TUBGCP4: variants seen among roughly 807,000 people sequenced by gnomAD.
TUBGCP4 encodes gamma-tubulin complex component 4.
TUBGCP4 carries 54 observed loss-of-function variants against 91.6 expected under a neutral mutation model. The ratio of observed to expected loss-of-function variants is 0.59; its 90% CI spans 0.47 to 0.74. The LOEUF is 0.74. Ranked by LOEUF, TUBGCP4 falls within the 30% of genes least tolerant of loss-of-function variation. The pLI, the probability that TUBGCP4 is intolerant of heterozygous loss-of-function variation, is 0.00. For missense variants in TUBGCP4, 593 were observed against 800.9 expected, an observed-to-expected ratio of 0.74 and a Z score of 3.13; for synonymous variants, 297 against 302.8, an observed-to-expected ratio of 0.98 and a Z score of 0.20.
intron 6 of TUBGCP4, among the ~76,000 whole-genome samples, chr15:43,382,892 C>A (rs2044305173): frequency 6.6e-6 from 1 of 152,258 alleles, no homozygotes; most frequent in South Asian, 2.1e-4. Flanking sequence ...ATTGAATATT[C>A]TCTCCCTAAG....
Position 43,395,598 on chromosome 15 carries a change from T to G in TUBGCP4, c.1081T>G (p.Tyr361Asp). The change falls in exon 11 of 18, where the codon TAC becomes GAC. Residue 361 changes from tyrosine to aspartate, a missense_variant. Physicochemically the swap from Tyr to Asp is radical, Grantham distance 160 (BLOSUM62 -3). Coordinates refer to ENST00000564079, the MANE Select transcript of TUBGCP4 (RefSeq NM_014444.5). Reference sequence around the variant, plus strand: ...CTTTCCTCAGATCATTAAAGACTTTTACCTTCTGGGACGTGGAGAACTGTT... The same window carrying G: ...CTTTCCTCAGATCATTAAAGACTTTGACCTTCTGGGACGTGGAGAACTGTT... ...LGQLKIIKDF[Y>D]LLGRGELFQA... 6.2e-7 allele frequency: 1 copy of G among 1,614,016 alleles called. No individual in the cohort carries two copies. Among genetic ancestry groups the G allele is most frequent in the South Asian group, 1.1e-5 (1 of 91,084 alleles).
rs202078031 is a variant in TUBGCP4, at chr15:43,386,344, C to CGT, written c.1014+15_1014+16dup. 8.1e-6 allele frequency: 2 copies of CGT among 245,618 alleles called. No individual in the cohort carries two copies. Among genetic ancestry groups the CGT allele is most frequent in the Admixed American group, 6.0e-5 (1 of 16,676 alleles). The allele number at this position is 245,618 out of a possible 1,614,324, so 15.2% of individuals were successfully genotyped here. A position where few individuals can be genotyped will look rare whatever the true frequency, so the allele number is the denominator to read the frequency against. On this transcript the variant is annotated intron_variant, in intron 9 of 17. Transcript: ENST00000564079. ...ACTGTGGCTGAGGTTTGTGTTTCAT[C>CGT]GTATATATATATATATATATATATA... is the stretch of plus-strand genomic sequence containing the variant.
rs2044919522 is a variant in TUBGCP4, at chr15:43,407,033, G to A, written c.*1819G>A. The A allele has an allele frequency of 8.2e-6, 2 of 244,794 alleles. No homozygotes were observed. The highest frequency in any genetic ancestry group is 2.3e-5 in the African/African-American group (1 of 44,228). 15.2% of individuals were successfully genotyped at this position (244,794 alleles called of 1,614,324 possible). ...GAGTTTCTGCAAGCATAGCATTTTA[G>A]ACACCCTGGAATAACCTTTTGGGAA... is the stretch of plus-strand genomic sequence containing the variant. On this transcript the variant is annotated 3_prime_UTR_variant, in exon 18 of 18. Transcript: ENST00000564079.
At chr15:43,404,129 T>C (rs2044774980) in intron 16 of TUBGCP4, 2 of 517,624 alleles carry the variant, frequency 3.9e-6, no homozygotes, top group Non-Finnish European at 3.4e-6. Flanking sequence ...CTGCTTGTAA[T>C]CAAAACGGGT....
At chr15:43,386,663 T>A (rs545245039) in intron 9 of TUBGCP4, among the ~76,000 whole-genome samples, 260 of 135,522 alleles carry the variant, frequency 1.9e-3, no homozygotes, top group Non-Finnish European at 3.1e-3. Flanking sequence ...AGGCGGAGGT[T>A]GCAGTCAGCC....
rs770551526 is a variant in TUBGCP4, at chr15:43,377,049, C to T, written c.366C>T (p.Val122=). The T allele has an allele frequency of 6.2e-7, 1 of 1,613,880 alleles. No individual in the cohort carries two copies. Among genetic ancestry groups the T allele is most frequent in the Non-Finnish European group, 8.5e-7 (1 of 1,179,760 alleles). The change falls in exon 4 of 18, where the codon GTC becomes GTT. Residue 122 remains valine (V), a synonymous_variant. Transcript: ENST00000564079. ...LGDPHLSISH[V]NYFLDQFQLL... ...ATCCCCATCTCTCCATATCACATGT[C>T]AACTACTTCCTAGACCAGGTATGCT...
At position 43,408,227 on chromosome 15, in the gene TUBGCP4, C is replaced by A; in HGVS notation, c.*3013C>A. On this transcript the variant is annotated 3_prime_UTR_variant, in exon 18 of 18. Transcript: ENST00000564079. ...ACATAGTGTCTCAAGCCTGTAATCC[C>A]AGCACTTTGGGAGGCTGTCGTGGTT... The A allele has an allele frequency of 1.1e-6, 1 of 912,350 alleles. No individual in the cohort carries two copies. 56.5% of individuals were successfully genotyped at this position (912,350 alleles called of 1,614,324 possible).
rs1022523107 is a variant in TUBGCP4 at position 43,408,404 on chromosome 15, C to G, written c.*3190C>G. On this transcript the variant is annotated 3_prime_UTR_variant, in exon 18 of 18. Coordinates refer to ENST00000564079, the MANE Select transcript of TUBGCP4 (RefSeq NM_014444.5). The stretch of plus-strand genomic sequence containing the variant: ...GCTGAGGTAGGGGGATCACTTCAGC[C>G]TGGGAGGTTGAGGCTGCAGTAAGTC... 7.1e-5 allele frequency: 21 copies of G among 295,258 alleles called. No homozygotes were observed. Among genetic ancestry groups the G allele is most frequent in the Non-Finnish European group, 1.3e-5 (2 of 154,336 alleles). The allele number at this position is 295,258 out of a possible 1,614,324, so 18.3% of individuals were successfully genotyped here.
rs772397113 is a variant in TUBGCP4, at chr15:43,407,965, GTGC to G, written c.*2756_*2758del. On this transcript the variant is annotated 3_prime_UTR_variant, in exon 18 of 18. Transcript: ENST00000564079. ...TACCTTTGTTATGGGCACTTGAATG[GTGC>G]TGCTTCACAGAGGCTGCACCACCAG... The G allele has an allele frequency of 1.2e-6, 2 of 1,613,614 alleles. No homozygotes were observed. The highest frequency in any genetic ancestry group is 1.7e-6 in the Non-Finnish European group (2 of 1,179,992).
In TUBGCP4 at chr15:43,371,295, G is replaced by A; in HGVS notation, c.-60G>A. On this transcript the variant is annotated 5_prime_UTR_variant, in exon 1 of 18. Transcript: ENST00000564079. ...AAGGGGAAGCACTCCCCTCGTGGTCGCCTGGAGGTGCGCTGGAGGAGGGGG... is the reference window on the plus strand; with the variant it reads ...AAGGGGAAGCACTCCCCTCGTGGTCACCTGGAGGTGCGCTGGAGGAGGGGG... The A allele has an allele frequency of 1.9e-6, 3 of 1,550,608 alleles. No homozygotes were observed. The highest frequency in any genetic ancestry group is 1.8e-6 in the Non-Finnish European group (2 of 1,133,498).
chr15:43,379,640 C>CAAAA (rs1166566829), intron 5 of TUBGCP4, among the ~76,000 whole-genome samples: 1 of 62,322 alleles, frequency 1.6e-5, no homozygotes, highest in Non-Finnish European at 4.4e-5. Flanking sequence ...GACTCCGTCT[C>CAAAA]AAAAAAAAAA....
At chr15:43,381,406 T>G (rs1014890120) in intron 6 of TUBGCP4, among the ~76,000 whole-genome samples, 1 of 152,108 alleles carries the variant, frequency 6.6e-6, no homozygotes, top group Non-Finnish European at 1.5e-5. Flanking sequence ...TTTTGAAAAA[T>G]TTTAAACCTA....
At chr15:43,378,759 T>C (rs1419210450) in intron 5 of TUBGCP4, among the ~76,000 whole-genome samples, 1 of 152,244 alleles carries the variant, frequency 6.6e-6, no homozygotes, top group Non-Finnish European at 1.5e-5. Flanking sequence ...TGTCACTGGC[T>C]GTGTACTAGG....
intron 6 of TUBGCP4, among the ~76,000 whole-genome samples, chr15:43,381,498 A>G (rs2044284368): frequency 6.6e-6 from 1 of 152,156 alleles, no homozygotes; most frequent in Non-Finnish European, 1.5e-5. Flanking sequence ...GCACTTTGGA[A>G]GGCTGAGGCA....
At chr15:43,391,570 C>G (rs1363475879) in intron 9 of TUBGCP4, 1 of 152,178 alleles carries the variant, frequency 6.6e-6, no homozygotes, top group Non-Finnish European at 1.5e-5. Context: ...CTGGTGGTCC[C>G]CCACTCCCAG....
rs1478715330 is a variant in TUBGCP4, at chr15:43,408,851, G to C, written c.*3637G>C. ...CTAGATTCTCTTCCCTCCAAAGCTT[G>C]CTGTCCTCCTGCCTATACAATTCTG... On this transcript the variant is annotated 3_prime_UTR_variant, in exon 18 of 18. Coordinates refer to ENST00000564079, the MANE Select transcript of TUBGCP4 (RefSeq NM_014444.5). 1.3e-6 allele frequency: 2 copies of C among 1,577,844 alleles called. No individual in the cohort carries two copies. Among genetic ancestry groups the C allele is most frequent in the African/African-American group, 2.7e-5 (2 of 74,142 alleles).
Position 43,403,406 on chromosome 15 carries a change from C to T in TUBGCP4, c.1732-277C>T, listed in dbSNP as rs142075071. 1.0e-3 allele frequency: 284 copies of T among 271,636 alleles called. 1 individual carries two copies. The highest frequency in any genetic ancestry group is 5.7e-3 in the African/African-American group (258 of 45,200). 16.8% of individuals were successfully genotyped at this position (271,636 alleles called of 1,614,324 possible). A position where few individuals can be genotyped will look rare whatever the true frequency, so the allele number is the denominator to read the frequency against. ...AGCTCAGAGGCAGGAAGACACTCTG[C>T]GGGTCTAAGAAATGAAGAGTTAAAT... On this transcript the variant is annotated intron_variant, in intron 15 of 17. Transcript: ENST00000564079.
At chr15:43,401,662 T>C in intron 14 of TUBGCP4, 54 bp from the exon 15 acceptor site, 1 of 1,587,656 alleles carries the variant, frequency 6.3e-7, no homozygotes, top group Non-Finnish European at 8.6e-7. Flanking sequence ...CATCTTAATG[T>C]CTTCGAGTGC....
chr15:43,393,693 G>A lies in TUBGCP4; in HGVS notation c.1015-1414G>A, dbSNP rs112533491. On this transcript the variant is annotated intron_variant, in intron 9 of 17. Transcript: ENST00000564079. ...TTCCCACCTATGAGTGAGAACATGC[G>A]GTGTTTGGTTTTTTGTCCTTGTGAG... Among the ~76,000 whole-genome samples the A allele has an allele frequency of 1.8e-3, 271 of 152,080 alleles. 2 individuals carry two copies. The highest frequency in any genetic ancestry group is 6.2e-3 in the African/African-American group (259 of 41,464).
Sources: allele counts gnomAD v4.1 joint callset (sites outside exome capture counted in the v4.1 genomes callset), GRCh38; gene constraint gnomAD v4.1.1; transcripts MANE v1.5; gene names NCBI Gene and HGNC (gene_info 2026-07-23, HGNC 2026-07-21).